PLP1: variants seen among roughly 807,000 people sequenced by gnomAD.
PLP1 encodes proteolipid protein 1, also known as myelin proteolipid protein.
A neutral mutation model predicts 18.5 loss-of-function variants in PLP1; 2 were observed. That is an observed-to-expected ratio of 0.11 (90% CI 0.04 to 0.34). PLP1 has a LOEUF of 0.34. Among genes scored for constraint, PLP1 ranks in the 10% least tolerant of loss-of-function variants. PLP1 has a pLI of 1.00. For missense variants in PLP1, 105 were observed against 207.3 expected (o/e 0.51, Z 3.03); for synonymous variants, 86 against 83.2 (o/e 1.03, Z -0.19).
intron 1 of PLP1, among the ~76,000 whole-genome samples, chrX:103,781,785 T>C (rs924761073): frequency 8.9e-6 from 1 of 112,392 alleles, no homozygotes; most frequent in Non-Finnish European, 1.9e-5. Context: ...TATTACTATA[T>C]GGTTCTTTTA....
rs1224939482 is a variant in PLP1 at position 103,791,607 on chromosome X, A to G, written c.*1009A>G. ...AATGGTGCTCATTTCATGGGGTATT[A>G]TCCATTCAGTCATCGTAGGTGATTT... is the stretch of plus-strand genomic sequence containing the variant. On this transcript the variant is annotated 3_prime_UTR_variant, in exon 7 of 7. Transcript: ENST00000621218. The G allele has an allele frequency of 1.8e-5, 2 of 112,639 alleles. No homozygotes were observed. Among genetic ancestry groups the G allele is most frequent in the African/African-American group, 3.2e-5 (1 of 30,901 alleles). The allele number at this position is 112,639 out of a possible 1,213,427, so 9.3% of individuals were successfully genotyped here. A position where few individuals can be genotyped will look rare whatever the true frequency, so the allele number is the denominator to read the frequency against.
intron 1 of PLP1, among the ~76,000 whole-genome samples, chrX:103,783,054 CTG>C (rs2074466989): frequency 3.6e-5 from 4 of 111,536 alleles, no homozygotes; most frequent in African/African-American, 1.3e-4. Context: ...AATGGCAGTA[CTG>C]TTTACTTCTA....
At chrX:103,784,211 C>T (rs2074476083) in intron 1 of PLP1, among the ~76,000 whole-genome samples, 1 of 111,683 alleles carries the variant, frequency 9.0e-6, no homozygotes, top group African/African-American at 3.3e-5. Flanking sequence ...GGCATAGGGC[C>T]TGGGATACCA....
chrX:103,788,742 A>G (rs1602385117), intron 5 of PLP1: 5 of 414,294 alleles, frequency 1.2e-5, no homozygotes, highest in Non-Finnish European at 2.1e-5. Context: ...TTCCCCTCTT[A>G]AAAGAGAAGT....
intron 1 of PLP1, among the ~76,000 whole-genome samples, chrX:103,781,773 G>A (rs2074455810): frequency 8.9e-6 from 1 of 112,354 alleles, no homozygotes; most frequent in Admixed American, 9.4e-5. Flanking sequence ...ATTGAGAAAT[G>A]TTATTACTAT....
intron 1 of PLP1, among the ~76,000 whole-genome samples, chrX:103,777,865 C>A (rs1485246131): frequency 1.8e-5 from 2 of 112,525 alleles, no homozygotes; most frequent in African/African-American, 6.5e-5. Flanking sequence ...TAACATTTGG[C>A]AAAACAAAGA....
chrX:103,790,471 G>A, intron 6 of PLP1, 56 bp from the exon 7 acceptor site: 3 of 838,163 alleles, frequency 3.6e-6, no homozygotes, highest in Non-Finnish European at 5.4e-6. Flanking sequence ...AGGGATTTGA[G>A]GAGGGAGTGC....
chrX:103,785,132 A>G (rs2074483759), intron 1 of PLP1, among the ~76,000 whole-genome samples: 1 of 110,396 alleles, frequency 9.1e-6, no homozygotes, highest in Admixed American at 9.6e-5. Context: ...CTGGAGTACA[A>G]TGGCGCAATC....
At chrX:103,786,189 G>A (rs1274432428) in intron 2 of PLP1, 1 of 1,126,192 alleles carries the variant, frequency 8.9e-7, no homozygotes, top group Non-Finnish European at 1.2e-6. Context: ...CATGTCTGAA[G>A]GGTGGGGCAG....
At chrX:103,787,733 C>T in intron 3 of PLP1, 65 bp from the exon 4 acceptor site, 1 of 960,825 alleles carries the variant, frequency 1.0e-6, no homozygotes, top group Non-Finnish European at 1.5e-6. Flanking sequence ...CAGGATCTCC[C>T]AGTTTGTGTT....
At chrX:103,782,754 A>T (rs2074463436) in intron 1 of PLP1, among the ~76,000 whole-genome samples, 1 of 107,350 alleles carries the variant, frequency 9.3e-6, no homozygotes, top group African/African-American at 3.4e-5. Context: ...ACCCTCGGCT[A>T]AACAAACAGT....
At position 103,789,753 on chromosome X, in the gene PLP1, A is replaced by C. The variant is rs180837748; in HGVS notation, c.762+355A>C. Among the ~76,000 whole-genome samples, 143 of 112,312 alleles carry C rather than the reference A, an allele frequency of 1.3e-3. 1 individual carries two copies. The highest frequency in any genetic ancestry group is 6.2e-4 in the Non-Finnish European group (33 of 53,287). On this transcript the variant is annotated intron_variant, in intron 6 of 6. Coordinates refer to ENST00000621218, the MANE Select transcript of PLP1 (RefSeq NM_000533.5). Reference sequence around the variant, plus strand: ...ATCAGATCAGTGACAAAACACTGAAACATCACGAAACATGACTTGCTATAG... The same window carrying C: ...ATCAGATCAGTGACAAAACACTGAACCATCACGAAACATGACTTGCTATAG...
intron 1 of PLP1, among the ~76,000 whole-genome samples, chrX:103,778,469 G>A (rs185301882): frequency 4.5e-5 from 5 of 111,790 alleles, no homozygotes; most frequent in Admixed American, 2.8e-4. Flanking sequence ...CCTATCTAAT[G>A]TCAGCCGAGC....
intron 1 of PLP1, among the ~76,000 whole-genome samples, chrX:103,784,075 C>T (rs781088398): frequency 8.9e-6 from 1 of 112,159 alleles, no homozygotes; most frequent in South Asian, 3.7e-4. Flanking sequence ...TCTAGTCAGT[C>T]ATCTACTTGG....
At chrX:103,787,188 GAGGTCC>G (rs1275237938) in intron 3 of PLP1, among the ~76,000 whole-genome samples, 1 of 111,539 alleles carries the variant, frequency 9.0e-6, no homozygotes, top group Non-Finnish European at 1.9e-5. Flanking sequence ...TGCACAGTTC[GAGGTCC>G]CAGAGGGAAT....
At chrX:103,786,923 C>T (rs762055065) in intron 3 of PLP1, 197 bp downstream of exon 3, 136 of 456,163 alleles carry the variant, frequency 3.0e-4, no homozygotes, top group Non-Finnish European at 4.7e-4. Flanking sequence ...TTCAAAGGTT[C>T]CCTAAGCAAA....
At chrX:103,780,437 C>G (rs2857310) in intron 1 of PLP1, among the ~76,000 whole-genome samples, 23,663 of 87,600 alleles carry the variant, frequency 0.27, 2,109 homozygotes, top group Non-Finnish European at 0.3. Context: ...TTCTGTCTCT[C>G]TCTGTGTGTG....
chrX:103,787,335 G>A lies in PLP1; in HGVS notation c.454-463G>A, dbSNP rs5011496. Among the ~76,000 whole-genome samples, 3,936 of 111,187 alleles carry A rather than the reference G, an allele frequency of 0.035. 166 individuals carry two copies. The highest frequency in any genetic ancestry group is 0.12 in the African/African-American group (3,722 of 30,467). ...CTGAACATGTGTGGGTTCCAGCAAT[G>A]TCTTTTTGTGGCCAGCAGTTAGCTT... is the stretch of plus-strand genomic sequence containing the variant. On this transcript the variant is annotated intron_variant, in intron 3 of 6. Transcript: ENST00000621218.
At chrX:103,789,238 A>T (rs1332994468) in intron 5 of PLP1, 95 bp from the exon 6 acceptor site, 1 of 676,614 alleles carries the variant, frequency 1.5e-6, no homozygotes, top group African/African-American at 2.1e-5. Flanking sequence ...CACAAGAAAG[A>T]TATCAACACA....
Sources: gnomAD v4.1 joint callset for allele counts (sites outside exome capture counted in the v4.1 genomes callset) on GRCh38, gnomAD v4.1.1 for gene constraint, MANE v1.5 for transcripts, NCBI Gene and HGNC (gene_info 2026-07-23, HGNC 2026-07-21) for gene names.